The following VDAC1 variants were observed in gnomAD, a reference collection of about 807,000 sequenced individuals.
VDAC1 encodes voltage dependent anion channel 1.
In VDAC1, 10 loss-of-function variants were observed where a neutral mutation model predicts 34.7. That is an observed-to-expected ratio of 0.29 (90% CI 0.18 to 0.49). The LOEUF is 0.49. VDAC1 is among the 20% of genes least tolerant of loss of function. The pLI is 0.99. For synonymous variants in VDAC1, 130 were observed against 136.0 expected (o/e 0.96, Z 0.30); for missense variants, 230 against 347.9 (o/e 0.66, Z 2.69).
chr5:134,085,722 T>TAAAAAAAAAAAAAAAAAA, the VDAC1 span, among the ~76,000 whole-genome samples: 14 of 44,248 alleles, frequency 3.2e-4, 1 homozygote, highest in African/African-American at 7.0e-4. Flanking sequence ...ACCCCATTTC[T>TAAAAAAAAAAAAAAAAAA]AAAAAAAAAA....
chr5:133,979,424 C>CTTTTTTTTTTTTT lies in VDAC1; in HGVS notation c.551+1292_551+1304dup, dbSNP rs71581380. Among the ~76,000 whole-genome samples, 15 of 80,992 alleles carry CTTTTTTTTTTTTT rather than the reference C, an allele frequency of 1.9e-4. 2 individuals carry two copies. Among genetic ancestry groups the CTTTTTTTTTTTTT allele is most frequent in the Non-Finnish European group, 2.3e-4 (11 of 47,414 alleles). 53.1% of individuals were successfully genotyped at this position (80,992 alleles called of 152,430 possible). A position where few individuals can be genotyped will look rare whatever the true frequency, so the allele number is the denominator to read the frequency against. Reference sequence around the variant, plus strand: ...TATAATAAAATTGATATTTTCTTTGCTTTTTTTTTTTTTTTTTTTTTTTGA... The same window carrying CTTTTTTTTTTTTT: ...TATAATAAAATTGATATTTTCTTTGCTTTTTTTTTTTTTTTTTTTTTTTTTTTTTTTTTTTTGA... On this transcript the variant is annotated intron_variant, in intron 6 of 8. Coordinates refer to ENST00000265333, the MANE Select transcript of VDAC1 (RefSeq NM_003374.3).
chr5:134,014,781 G>A, the VDAC1 span, among the ~76,000 whole-genome samples: 1 of 152,128 alleles, frequency 6.6e-6, no homozygotes, highest in Non-Finnish European at 1.5e-5. Flanking sequence ...CAGGAGAATC[G>A]CTTGAACCTG....
At chr5:134,045,626 T>A in the VDAC1 span, among the ~76,000 whole-genome samples, 1 of 152,060 alleles carries the variant, frequency 6.6e-6, no homozygotes. Flanking sequence ...GCCCTTGGGG[T>A]GACATTGGGT....
the VDAC1 span, among the ~76,000 whole-genome samples, chr5:134,018,063 G>T: frequency 6.6e-6 from 1 of 152,186 alleles, no homozygotes; most frequent in Non-Finnish European, 1.5e-5. Context: ...AATACCTGAG[G>T]CTGGGTAATT....
the VDAC1 span, among the ~76,000 whole-genome samples, chr5:134,043,370 G>A: frequency 6.6e-6 from 1 of 152,148 alleles, no homozygotes; most frequent in African/African-American, 2.4e-5. Context: ...CAGAGGCAGG[G>A]CTAGGACAAG....
chr5:134,000,777 G>A (rs759599686), intron 1 of VDAC1, among the ~76,000 whole-genome samples: 2 of 152,084 alleles, frequency 1.3e-5, no homozygotes, highest in African/African-American at 2.4e-5. Flanking sequence ...AGTGGCTGGC[G>A]CTTGGTAAGC....
intron 5 of VDAC1, among the ~76,000 whole-genome samples, chr5:133,984,339 G>A (rs1302832458): frequency 6.6e-6 from 1 of 151,390 alleles, no homozygotes; most frequent in African/African-American, 2.4e-5. Context: ...GGGATTACAG[G>A]TGTGAGCCAC....
chr5:133,999,956 T>C (rs957827431), intron 1 of VDAC1, among the ~76,000 whole-genome samples: 3 of 152,024 alleles, frequency 2.0e-5, no homozygotes, highest in Non-Finnish European at 4.4e-5. Flanking sequence ...TAGGCCAGCC[T>C]ATAGGAGGGG....
In VDAC1 at chr5:133,975,937, T is replaced by C. The variant is rs1195556315; in HGVS notation, c.636A>G (p.Ala212=). 6.2e-6 allele frequency: 10 copies of C among 1,613,508 alleles called. No individual in the cohort carries two copies. Among genetic ancestry groups the C allele is most frequent in the Non-Finnish European group, 8.5e-6 (10 of 1,179,988 alleles). Residue 212 remains alanine, a synonymous_variant, in exon 7 of 9, where the codon GCA becomes GCG. Coordinates refer to ENST00000265333, the MANE Select transcript of VDAC1 (RefSeq NM_003374.3). ...LETAVNLAWT[A]GNSNTRFGIA... ...TTCCGAAGCGCGTGTTACTGTTTCC[T>C]GCTGTCCAGGCAAGATTGACAGCGG...
the VDAC1 span, among the ~76,000 whole-genome samples, chr5:134,027,119 C>T: frequency 3.1e-3 from 467 of 152,324 alleles, 4 homozygotes; most frequent in African/African-American, 0.011. Flanking sequence ...GGACAGGCCC[C>T]AACCCCGCCC....
chr5:134,080,634 A>C, the VDAC1 span, among the ~76,000 whole-genome samples: 2 of 152,032 alleles, frequency 1.3e-5, no homozygotes, highest in Non-Finnish European at 2.9e-5. Flanking sequence ...CAACAACATG[A>C]GTTGACATTT....
chr5:134,023,861 A>C, the VDAC1 span, among the ~76,000 whole-genome samples: 1 of 152,120 alleles, frequency 6.6e-6, no homozygotes, highest in Non-Finnish European at 1.5e-5. Flanking sequence ...GGCTGGGCAC[A>C]GTGGCTCATG....
chr5:134,011,101 T>C, the VDAC1 span, among the ~76,000 whole-genome samples: 10 of 152,250 alleles, frequency 6.6e-5, no homozygotes, highest in African/African-American at 2.4e-4. Context: ...TTTTTTAATA[T>C]GTTTCTTGGC....
the VDAC1 span, among the ~76,000 whole-genome samples, chr5:134,020,778 G>A: frequency 6.6e-6 from 1 of 151,968 alleles, no homozygotes; most frequent in African/African-American, 2.4e-5. Context: ...CCGGGTTCAC[G>A]CCATTCTCCT....
the VDAC1 span, among the ~76,000 whole-genome samples, chr5:134,070,317 A>G: frequency 1.3e-5 from 2 of 151,624 alleles, no homozygotes; most frequent in South Asian, 4.2e-4. Flanking sequence ...AATTTTTTTT[A>G]TTTTTGGTAG....
At chr5:134,002,867 G>A (rs975567037) in intron 1 of VDAC1, among the ~76,000 whole-genome samples, 1 of 152,010 alleles carries the variant, frequency 6.6e-6, no homozygotes, top group African/African-American at 2.4e-5. Flanking sequence ...CTGTGAGGCT[G>A]AGGTGGGAGG....
chr5:134,087,626 G>A, the VDAC1 span, among the ~76,000 whole-genome samples: 3,433 of 152,150 alleles, frequency 0.023, 142 homozygotes, highest in African/African-American at 0.079. Context: ...AGGCTGAGGC[G>A]GGCAGATCAC....
the VDAC1 span, among the ~76,000 whole-genome samples, chr5:134,026,224 A>G: frequency 6.6e-6 from 1 of 152,156 alleles, no homozygotes; most frequent in Non-Finnish European, 1.5e-5. Flanking sequence ...ACATCACTAA[A>G]TGGCTGGGTG....
At chr5:134,106,310 G>A in the VDAC1 span, among the ~76,000 whole-genome samples, 1 of 151,996 alleles carries the variant, frequency 6.6e-6, no homozygotes, top group Non-Finnish European at 1.5e-5. Context: ...GTTAATTTGT[G>A]TATATTTAAC....
Sources: gnomAD v4.1 joint callset for allele counts (sites outside exome capture counted in the v4.1 genomes callset) on GRCh38, gnomAD v4.1.1 for gene constraint, MANE v1.5 for transcripts, NCBI Gene and HGNC (gene_info 2026-07-23, HGNC 2026-07-21) for gene names.